WSCD2: variants seen among roughly 807,000 people sequenced by gnomAD.
The protein encoded by WSCD2 is sialate:O-sulfotransferase 2.
Under a neutral mutation model 55.7 loss-of-function variants are expected in WSCD2, and 28 were observed. The observed-to-expected ratio is 0.50, with a 90% CI of 0.37 to 0.69. The LOEUF is 0.69. Ranked by LOEUF, WSCD2 falls within the 30% of genes least tolerant of loss-of-function variation. The pLI, the probability that WSCD2 is intolerant of heterozygous loss-of-function variation, is 0.00. For missense variants in WSCD2, 616 were observed against 762.1 expected (o/e 0.81, Z 2.26); for synonymous variants, 301 against 301.9 (o/e 1.00, Z 0.03).
chr12:108,152,062 C>G (rs892652488), intron 1 of WSCD2, among the ~76,000 whole-genome samples: 5 of 152,190 alleles, frequency 3.3e-5, no homozygotes, highest in African/African-American at 1.2e-4. Flanking sequence ...TGCAGTTGCT[C>G]TCACAATGAG....
chr12:108,216,899 T>C (rs4964661), intron 4 of WSCD2, among the ~76,000 whole-genome samples: 102,067 of 152,164 alleles, frequency 0.67, 34,592 homozygotes, highest in East Asian at 0.71. Flanking sequence ...ATGGTCACTA[T>C]CAGCCAATAA....
chr12:108,146,988 A>G (rs1877461313), intron 1 of WSCD2, among the ~76,000 whole-genome samples: 1 of 152,230 alleles, frequency 6.6e-6, no homozygotes, highest in South Asian at 2.1e-4. Flanking sequence ...ATAGTAATTG[A>G]GCTTAGCTGG....
chr12:108,189,435 A>G (rs1327017481), intron 1 of WSCD2: 1 of 152,210 alleles, frequency 6.6e-6, no homozygotes, highest in Non-Finnish European at 1.5e-5. Flanking sequence ...AAATGTTAAT[A>G]TTCTAGCATG....
chr12:108,184,566 A>G (rs1882218654), intron 1 of WSCD2, among the ~76,000 whole-genome samples: 1 of 152,136 alleles, frequency 6.6e-6, no homozygotes. Context: ...TGCTCTGGGA[A>G]GAAACCTGCA....
At chr12:108,233,007 T>G (rs555630546) in intron 7 of WSCD2, 112 bp downstream of exon 7, 2 of 1,409,302 alleles carry the variant, frequency 1.4e-6, no homozygotes, top group Non-Finnish European at 1.9e-6. Flanking sequence ...GCCACTCAGC[T>G]CTCCCAGGCA....
intron 1 of WSCD2, among the ~76,000 whole-genome samples, chr12:108,137,108 T>C (rs562670685): frequency 6.6e-6 from 1 of 152,342 alleles, no homozygotes; most frequent in African/African-American, 2.4e-5. Context: ...AAGATGGCCC[T>C]GATTTCTGCC....
chr12:108,210,063 T>C lies in WSCD2; in HGVS notation c.498-58T>C. Reference sequence around the variant, plus strand: ...ATCCCCCAGGTCTCCATGTTGTGTCTCCCTGCCTCGGGGTCTCCATGGTGG... The same window carrying C: ...ATCCCCCAGGTCTCCATGTTGTGTCCCCCTGCCTCGGGGTCTCCATGGTGG... On this transcript the variant is annotated intron_variant, in intron 3 of 8. Coordinates refer to ENST00000547525, the MANE Select transcript of WSCD2 (RefSeq NM_014653.4). The surrounding 1 kb of genome is among the most constrained non-coding windows in gnomAD (Gnocchi z 4.3). The C allele has an allele frequency of 1.2e-6, 2 of 1,609,198 alleles. No homozygotes were observed. Among genetic ancestry groups the C allele is most frequent in the Non-Finnish European group, 1.7e-6 (2 of 1,176,770 alleles).
At chr12:108,186,283 C>G (rs1882482967) in intron 1 of WSCD2, among the ~76,000 whole-genome samples, 1 of 152,192 alleles carries the variant, frequency 6.6e-6, no homozygotes, top group South Asian at 2.1e-4. Flanking sequence ...AGACCCTCCT[C>G]CAACAGCCTC....
chr12:108,167,478 G>C (rs1879787619), intron 1 of WSCD2: 1 of 152,164 alleles, frequency 6.6e-6, no homozygotes, highest in African/African-American at 2.4e-5. Flanking sequence ...TTCTGCAACA[G>C]CTACAACTTG....
chr12:108,230,305 T>C (rs963484452), intron 6 of WSCD2, among the ~76,000 whole-genome samples: 3 of 152,244 alleles, frequency 2.0e-5, no homozygotes, highest in African/African-American at 4.8e-5. Flanking sequence ...AGATGTCCCC[T>C]GGTTTATTTT....
chr12:108,213,875 G>A (rs780720316), intron 4 of WSCD2, among the ~76,000 whole-genome samples: 1 of 152,122 alleles, frequency 6.6e-6, no homozygotes, highest in Non-Finnish European at 1.5e-5. Flanking sequence ...CTCTCTTTTA[G>A]GGGAGCTCCT....
intron 1 of WSCD2, among the ~76,000 whole-genome samples, chr12:108,137,515 C>T (rs1876346649): frequency 2.6e-5 from 4 of 152,212 alleles, no homozygotes; most frequent in Non-Finnish European, 5.9e-5. Flanking sequence ...GCAGAAGCAA[C>T]AGCTGACAGC....
intron 1 of WSCD2, among the ~76,000 whole-genome samples, chr12:108,146,445 C>A (rs889664236): frequency 6.6e-6 from 1 of 152,238 alleles, no homozygotes; most frequent in African/African-American, 2.4e-5. Context: ...ATACAGTTAG[C>A]CCCTTTTCTC....
intron 1 of WSCD2, among the ~76,000 whole-genome samples, chr12:108,134,320 C>G (rs1670833276): frequency 6.6e-6 from 1 of 152,224 alleles, no homozygotes; most frequent in Non-Finnish European, 1.5e-5. Flanking sequence ...GCCCCTGCCC[C>G]CTCCCTTTGG....
intron 8 of WSCD2, among the ~76,000 whole-genome samples, chr12:108,242,294 G>A (rs938223212): frequency 5.3e-5 from 8 of 152,234 alleles, no homozygotes; most frequent in African/African-American, 1.7e-4. Flanking sequence ...TCAGTGAGGG[G>A]GTGGAAGCTT....
chr12:108,209,343 G>T (rs1173013091), intron 3 of WSCD2, among the ~76,000 whole-genome samples: 1 of 152,128 alleles, frequency 6.6e-6, no homozygotes, highest in African/African-American at 2.4e-5. Context: ...CTCCTCTCAA[G>T]GGACAAGGAG....
In WSCD2 at chr12:108,210,050, T is replaced by C. The variant is rs1885924672; in HGVS notation, c.498-71T>C. ...CCAGAGCCCTCCCATCCCCCAGGTC[T>C]CCATGTTGTGTCTCCCTGCCTCGGG... On this transcript the variant is annotated intron_variant, in intron 3 of 8. Coordinates refer to ENST00000547525, the MANE Select transcript of WSCD2 (RefSeq NM_014653.4). The surrounding 1 kb of genome is among the most constrained non-coding windows in gnomAD (Gnocchi z 4.3). The C allele has an allele frequency of 6.3e-7, 1 of 1,597,196 alleles. No individual in the cohort carries two copies. Among genetic ancestry groups the C allele is most frequent in the African/African-American group, 1.3e-5 (1 of 74,564 alleles).
intron 1 of WSCD2, among the ~76,000 whole-genome samples, chr12:108,184,318 C>T (rs1882176757): frequency 6.6e-6 from 1 of 152,160 alleles, no homozygotes; most frequent in Non-Finnish European, 1.5e-5. Context: ...CACCACCACC[C>T]CCCAAACACA....
intron 2 of WSCD2, among the ~76,000 whole-genome samples, chr12:108,205,099 G>A (rs764885836): frequency 6.6e-5 from 10 of 152,112 alleles, no homozygotes; most frequent in Non-Finnish European, 1.3e-4. Flanking sequence ...ACCTTTCTGG[G>A]CCGCTGTTAA....
Sources: gnomAD v4.1 joint callset for allele counts (sites outside exome capture counted in the v4.1 genomes callset) on GRCh38, gnomAD v4.1.1 for gene constraint, Gnocchi (gnomAD v3.1) non-coding constraint, MANE v1.5 for transcripts, NCBI Gene and HGNC (gene_info 2026-07-23, HGNC 2026-07-21) for gene names.